COL5A3: variants seen among roughly 807,000 people sequenced by gnomAD.
COL5A3 encodes collagen type V alpha 3 chain.
COL5A3 carries 172 observed loss-of-function variants against 250.0 expected under a neutral mutation model. That is an observed-to-expected ratio of 0.69 (90% CI 0.61 to 0.78). The LOEUF is 0.78. Among genes scored for constraint, COL5A3 ranks in the 30% least tolerant of loss-of-function variants. The pLI, the probability that COL5A3 is intolerant of heterozygous loss-of-function variation, is 0.00. For synonymous variants in COL5A3, 937 were observed against 900.4 expected (o/e 1.04, Z -0.73); for missense variants, 2,340 against 2,334.4 (o/e 1.00, Z -0.05).
At chr19:10,000,357 T>G (rs1051352510) in intron 8 of COL5A3, among the ~76,000 whole-genome samples, 1 of 150,798 alleles carries the variant, frequency 6.6e-6, no homozygotes, top group Non-Finnish European at 1.5e-5. Flanking sequence ...CCTCCCATCT[T>G]CCTCCAGGTC....
In COL5A3 at chr19:9,996,488, C is replaced by T. The variant is rs1434300582; in HGVS notation, c.1367G>A (p.Gly456Asp). ...PFQFAGGSFK[G>D]PPVSFQQAQA... is the part of the protein sequence containing the mutation. The stretch of plus-strand genomic sequence containing the variant: ...GGCCTGCTGGAATGAGACTGGGGGG[C>T]CTTTAAAGGAGCCGCCTGCAAACTG... Residue 456 changes from glycine (G) to aspartate (D), a missense_variant, in exon 13 of 67, where the codon GGC (glycine) becomes GAC (aspartate). By Grantham distance (94) the Gly-to-Asp change is moderately conservative (BLOSUM62 -1). Transcript: ENST00000264828. The T allele has an allele frequency of 1.9e-6, 3 of 1,614,112 alleles. No homozygotes were observed. Among genetic ancestry groups the T allele is most frequent in the Non-Finnish European group, 2.5e-6 (3 of 1,180,000 alleles).
intron 16 of COL5A3, among the ~76,000 whole-genome samples, chr19:9,994,189 T>A (rs1302315330): frequency 2.6e-5 from 4 of 151,640 alleles, no homozygotes; most frequent in Admixed American, 2.6e-4. Context: ...AATTTATTTA[T>A]GTATTTTAGA....
Position 9,970,977 on chromosome 19 carries a change from G to T in COL5A3, c.3880C>A (p.Pro1294Thr). The T allele has an allele frequency of 6.4e-7, 1 of 1,560,934 alleles. No individual in the cohort carries two copies. The highest frequency in any genetic ancestry group is 1.2e-5 in the South Asian group (1 of 81,868). The change falls in exon 53 of 67, where the codon CCG becomes ACG. Residue 1294 changes from proline (P) to threonine (T), a missense_variant and splice_region_variant. Physicochemically the swap from Pro to Thr is conservative, Grantham distance 38. Around this residue, in one of 3 missense-constraint regions of COL5A3, gnomAD observed 1,179 missense variants for 1,162.6 expected, o/e 1.01. Transcript: ENST00000264828. ...ACACCCTCTGTTTTCCCACTCACCG[G>T]TCCCCCAACATCACCAGGGTCTCCC... is the stretch of plus-strand genomic sequence containing the variant. ...EKGDPGDVGGPGPPGASGEPG... is the reference protein window; with the variant it reads ...EKGDPGDVGGTGPPGASGEPG...
rs111293290 is a variant in COL5A3 at position 9,976,030 on chromosome 19, G to A, written c.3342+528C>T. Among the ~76,000 whole-genome samples the A allele has an allele frequency of 8.5e-3, 1,285 of 151,540 alleles. 9 individuals are homozygous for A. The highest frequency in any genetic ancestry group is 0.029 in the African/African-American group (1,205 of 41,172). The stretch of plus-strand genomic sequence containing the variant: ...GGTGTCGGTATTGAGGGGAAGACAT[G>A]GTTGGGTTGGGATTGAATCAGATTC... On this transcript the variant is annotated intron_variant, in intron 45 of 66. Transcript: ENST00000264828.
intron 22 of COL5A3, 55 bp downstream of exon 22, chr19:9,991,949 C>A: frequency 6.3e-7 from 1 of 1,577,816 alleles, no homozygotes; most frequent in Non-Finnish European, 8.7e-7. Context: ...GGGATGTGGA[C>A]AATCGGGGTC....
At chr19:9,963,561 TGGG>T (rs1555733033) in intron 64 of COL5A3, among the ~76,000 whole-genome samples, 1,920 of 40,132 alleles carry the variant, frequency 0.048, 55 homozygotes, top group East Asian at 0.23. Flanking sequence ...CTGTTTTTTT[TGGG>T]GGGGGGGGCG....
At chr19:10,008,134 A>G (rs572187364) in intron 1 of COL5A3, among the ~76,000 whole-genome samples, 16 of 152,156 alleles carry the variant, frequency 1.1e-4, no homozygotes, top group African/African-American at 3.4e-4. Context: ...CCCACGGAAC[A>G]ATCATCCCAG....
intron 31 of COL5A3, among the ~76,000 whole-genome samples, chr19:9,983,591 A>G (rs2087047267): frequency 4.5e-5 from 4 of 88,682 alleles, no homozygotes; most frequent in African/African-American, 2.0e-4. Context: ...AAAGAAAGAA[A>G]GAAAGAAAGA....
chr19:9,968,627 G>A lies in COL5A3; in HGVS notation c.4206+48C>T. 1 of 1,600,736 alleles carries A rather than the reference G, an allele frequency of 6.2e-7. No homozygotes were observed. Among genetic ancestry groups the A allele is most frequent in the Non-Finnish European group, 8.5e-7 (1 of 1,169,996 alleles). ...CCAGCCCCCCAGCCAGGGAGGGAGG[G>A]AAAGAGGGGAGGAGATGGGGAAGAG... On this transcript the variant is annotated intron_variant, in intron 58 of 66. Transcript: ENST00000264828. This position sits in a 1 kb window ranked among gnomAD's most constrained non-coding sequence, Gnocchi z 4.1.
rs202174629 is a variant in COL5A3 at position 9,961,744 on chromosome 19, G to T, written c.4852-854C>A. On this transcript the variant is annotated intron_variant, in intron 65 of 66. Transcript: ENST00000264828. ...CGGCTAATTTTTTGTATTTTTAGTAGAGACGGGGTTTCACCATGTTAGCCA... is the reference window on the plus strand; with the variant it reads ...CGGCTAATTTTTTGTATTTTTAGTATAGACGGGGTTTCACCATGTTAGCCA... 8.5e-4 allele frequency among the ~76,000 whole-genome samples: 130 copies of T among 152,132 alleles called. 2 individuals are homozygous for T. The East Asian group carries it at 0.023, about 27-fold the overall frequency.
intron 21 of COL5A3, 118 bp downstream of exon 21, chr19:9,992,709 G>A (rs560474752): frequency 1.0e-5 from 10 of 974,464 alleles, no homozygotes; most frequent in Admixed American, 4.2e-5. Context: ...CCCAGGAGCC[G>A]GAGGTTGCAG....
At chr19:9,969,984 G>T (rs2086805563) in intron 54 of COL5A3, 62 bp from the exon 55 acceptor site, 1 of 1,394,916 alleles carries the variant, frequency 7.2e-7, no homozygotes, top group South Asian at 1.2e-5. Context: ...GGGGTGAGTG[G>T]GGTCTGGGTG....
At chr19:9,985,730 A>G in intron 31 of COL5A3, 112 bp downstream of exon 31, 1 of 943,946 alleles carries the variant, frequency 1.1e-6, no homozygotes, top group Non-Finnish European at 1.7e-6. Context: ...ACATTCTCTC[A>G]GTGACCCTTG....
At chr19:9,983,549 A>G (rs1168311276) in intron 31 of COL5A3, among the ~76,000 whole-genome samples, 2 of 66,952 alleles carry the variant, frequency 3.0e-5, no homozygotes, top group East Asian at 8.2e-4. Context: ...AGAAAGAAAG[A>G]AAGAAAGAAA....
At chr19:9,979,050 G>A (rs2086966361) in intron 39 of COL5A3, 70 bp from the exon 40 acceptor site, 8 of 1,471,248 alleles carry the variant, frequency 5.4e-6, no homozygotes, top group Non-Finnish European at 7.3e-6. Context: ...GTGACTCAGG[G>A]CCCCCTCCCC....
At chr19:9,986,516 C>CA in intron 29 of COL5A3, 37 bp downstream of exon 29, 1 of 1,613,002 alleles carries the variant, frequency 6.2e-7, no homozygotes, top group Non-Finnish European at 8.5e-7. Flanking sequence ...CCCGAGCCCC[C>CA]AGACCCACAC....
rs566994973 is a variant in COL5A3, at chr19:9,967,336, G to A, written c.4458+11C>T. 3.7e-5 allele frequency: 52 copies of A among 1,420,716 alleles called. No individual in the cohort carries two copies. In the Admixed American group the frequency reaches 1.3e-3, roughly 35 times the overall value. The allele number at this position is 1,420,716 out of a possible 1,614,324, so 88.0% of individuals were successfully genotyped here. ...TTTGGTGTCCATTCCCCCGCCCCCC[G>A]GGGAACTCACCGGGGGGCCTGGTGG... On this transcript the variant is annotated intron_variant, in intron 62 of 66. Coordinates refer to ENST00000264828, the MANE Select transcript of COL5A3 (RefSeq NM_015719.4).
intron 15 of COL5A3, 105 bp from the exon 16 acceptor site, chr19:9,995,722 G>T: frequency 1.2e-6 from 1 of 845,736 alleles, no homozygotes; most frequent in Non-Finnish European, 1.8e-6. Context: ...GTATTGCCCA[G>T]GCCAGACACC....
intron 8 of COL5A3, among the ~76,000 whole-genome samples, chr19:9,999,732 C>T: frequency 6.6e-6 from 1 of 152,074 alleles, no homozygotes; most frequent in East Asian, 1.9e-4. Context: ...TCCCAAAGTG[C>T]TGGGATTACA....
Sources: gnomAD v4.1 joint callset for allele counts (sites outside exome capture counted in the v4.1 genomes callset) on GRCh38, gnomAD v4.1.1 for gene constraint, gnomAD v4.1.1 regional missense constraint, Gnocchi (gnomAD v3.1) non-coding constraint, MANE v1.5 for transcripts, NCBI Gene and HGNC (gene_info 2026-07-23, HGNC 2026-07-21) for gene names.